The following TTBK1 variants were observed in gnomAD, a reference collection of about 807,000 sequenced individuals.
TTBK1 encodes the protein tau-tubulin kinase 1.
A neutral mutation model predicts 108.5 loss-of-function variants in TTBK1; 34 were observed. The ratio of observed to expected loss-of-function variants is 0.31; its 90% CI spans 0.24 to 0.42. TTBK1 has a LOEUF of 0.42. Among genes scored for constraint, TTBK1 ranks in the 10% least tolerant of loss-of-function variants. The pLI is 1.00. For missense variants in TTBK1, 1,539 were observed against 1,826.0 expected, an observed-to-expected ratio of 0.84 and a Z score of 2.86; for synonymous variants, 809 against 795.1, an observed-to-expected ratio of 1.02 and a Z score of -0.29.
At chr6:43,278,425 A>G (rs1160483711) in intron 13 of TTBK1, among the ~76,000 whole-genome samples, 1 of 152,112 alleles carries the variant, frequency 6.6e-6, no homozygotes, top group Non-Finnish European at 1.5e-5. Flanking sequence ...AACCCTTACC[A>G]TATATGCCTT....
intron 1 of TTBK1, among the ~76,000 whole-genome samples, chr6:43,245,317 G>C (rs990254177): frequency 2.0e-5 from 3 of 151,972 alleles, no homozygotes; most frequent in Non-Finnish European, 4.4e-5. Context: ...CTCCAGGGTC[G>C]TTGTGAGGGC....
chr6:43,271,762 T>TATTC, intron 13 of TTBK1: 1 of 828,340 alleles, frequency 1.2e-6, no homozygotes, highest in Non-Finnish European at 1.3e-6. Context: ...TTTGTAAGTC[T>TATTC]ATTTATTTAT....
At position 43,255,753 on chromosome 6, in the gene TTBK1, A is replaced by G. The variant is rs761098675; in HGVS notation, c.758A>G (p.Glu253Gly). ...KDKEQVGMIK[E>G]KYEHRMLLKH... ...CAGGAACAGGTAGGGATGATCAAGG[A>G]GAAGTATGAGCACCGGATGCTGCTG... Residue 253 changes from glutamate to glycine, a missense_variant, in exon 9 of 15, where the codon GAG becomes GGG. By Grantham distance (98) the Glu-to-Gly change is moderately conservative. This residue lies in a region of TTBK1 where 155 missense variants were observed against 348.5 expected (regional missense o/e 0.44). Coordinates refer to ENST00000259750, the MANE Select transcript of TTBK1 (RefSeq NM_032538.3). 3.7e-6 allele frequency: 6 copies of G among 1,614,132 alleles called. No individual in the cohort carries two copies. The East Asian group carries it at 1.3e-4, about 36-fold the overall frequency.
rs757606010 is a variant in TTBK1, at chr6:43,259,591, G to GC, written c.1316dup (p.Asp440ArgfsTer19). The GC allele has an allele frequency of 9.9e-6, 16 of 1,610,714 alleles. No homozygotes were observed. The highest frequency in any genetic ancestry group is 8.5e-7 in the Non-Finnish European group (1 of 1,178,662). On this transcript the variant is annotated frameshift_variant, in exon 12 of 15. Coordinates refer to ENST00000259750, the MANE Select transcript of TTBK1 (RefSeq NM_032538.3). LOFTEE classifies it high-confidence loss of function. This position sits in a 1 kb window ranked among gnomAD's most constrained non-coding sequence, Gnocchi z 6.7. ...GGGGGTCCCCAGCTCCCCAGTGCGT[G>GC]CCCCCCCAGACTCCCCCACAACCCC... is the stretch of plus-strand genomic sequence containing the variant.
chr6:43,249,118 C>G (rs1777172919), intron 2 of TTBK1, among the ~76,000 whole-genome samples: 1 of 151,950 alleles, frequency 6.6e-6, no homozygotes, highest in Non-Finnish European at 1.5e-5. Flanking sequence ...AGAATCAGCC[C>G]ATCCAAGAAT....
rs1407918283 is a variant in TTBK1 at position 43,282,848 on chromosome 6, A to G, written c.2108A>G (p.Asn703Ser). The change falls in exon 14 of 15, where the codon AAC becomes AGC. Residue 703 changes from asparagine to serine, a missense_variant. Physicochemically the swap from Asn to Ser is conservative, Grantham distance 46. Around this residue, in one of 5 missense-constraint regions of TTBK1, gnomAD observed 1,055 missense variants for 1,086.5 expected, o/e 0.97. Transcript: ENST00000259750. The surrounding 1 kb of genome is among the most constrained non-coding windows in gnomAD (Gnocchi z 5.4). ...SDYRERARLLNRVRRVGFSHM... is the reference protein window; with the variant it reads ...SDYRERARLLSRVRRVGFSHM... ...TACCGAGAACGGGCGCGGTTGCTCA[A>G]CAGGGTCCGGAGGGTGGGCTTCTCG... is the stretch of plus-strand genomic sequence containing the variant. 1 of 1,613,956 alleles carries G rather than the reference A, an allele frequency of 6.2e-7. No homozygotes were observed. Among genetic ancestry groups the G allele is most frequent in the South Asian group, 1.1e-5 (1 of 91,046 alleles).
chr6:43,282,948 G>C lies in TTBK1; in HGVS notation c.2208G>C (p.Glu736Asp), dbSNP rs768706762. 9.9e-6 allele frequency: 16 copies of C among 1,608,432 alleles called. No homozygotes were observed. Among genetic ancestry groups the C allele is most frequent in the East Asian group, 2.2e-5 (1 of 44,766 alleles). Residue 736 changes from glutamate to aspartate, a missense_variant, in exon 14 of 15, where the codon GAG becomes GAC. Around this residue, in one of 5 missense-constraint regions of TTBK1, gnomAD observed 1,055 missense variants for 1,086.5 expected, o/e 0.97. Transcript: ENST00000259750. The surrounding 1 kb of genome is among the most constrained non-coding windows in gnomAD (Gnocchi z 5.4). ...AGGCTAATGGGAAGGAGGAAGAGGA[G>C]GAGGAGGAGGAAGATGAGGAAGAGG... ...QPQANGKEEE[E>D]EEEEDEEEEE...
At chr6:43,271,995 G>A (rs1777847538) in intron 13 of TTBK1, 3 of 985,242 alleles carry the variant, frequency 3.0e-6, no homozygotes, top group Non-Finnish European at 3.6e-6. Flanking sequence ...GGTCAAGGTG[G>A]ACCCTTTGAG....
chr6:43,262,753 G>T, intron 12 of TTBK1, 36 bp from the exon 13 acceptor site: 1 of 1,494,122 alleles, frequency 6.7e-7, no homozygotes. Flanking sequence ...GTCCAGTGGG[G>T]CCAGGTATTG....
chr6:43,282,978 A>G lies in TTBK1; in HGVS notation c.2238A>G (p.Glu746=). The change falls in exon 14 of 15, where the codon GAA becomes GAG. Residue 746 remains glutamate (E), a synonymous_variant. Coordinates refer to ENST00000259750, the MANE Select transcript of TTBK1 (RefSeq NM_032538.3). This position sits in a 1 kb window ranked among gnomAD's most constrained non-coding sequence, Gnocchi z 5.4. ...AGGAGGAAGATGAGGAAGAGGAAGA[A>G]GAGGATGAGGAAGAAGAAGAGGAGG... ...EEEEEDEEEE[E]EDEEEEEEEE... The G allele has an allele frequency of 6.2e-7, 1 of 1,600,786 alleles. No individual in the cohort carries two copies. Among genetic ancestry groups the G allele is most frequent in the Non-Finnish European group, 8.5e-7 (1 of 1,173,298 alleles).
intron 13 of TTBK1, among the ~76,000 whole-genome samples, chr6:43,266,195 A>C (rs1777673029): frequency 6.6e-6 from 1 of 152,234 alleles, no homozygotes. Flanking sequence ...CGTTTGTGTC[A>C]GCGGAGCTCG....
intron 13 of TTBK1, chr6:43,270,832 A>G (rs2651186): frequency 0.37 from 366,751 of 985,248 alleles, 74,250 homozygotes; most frequent in African/African-American, 0.78. Context: ...GTGAGAAACC[A>G]TGTGCTTGTC....
chr6:43,259,717 GGCC>G lies in TTBK1; in HGVS notation c.1424+12_1424+14del. ...GCTACCTGAGAGGAGGTGGGTCTGG[GGCC>G]AGGGGCATGGTTGGGGCCCAAGGCC... On this transcript the variant is annotated intron_variant, in intron 12 of 14. Transcript: ENST00000259750. This position sits in a 1 kb window ranked among gnomAD's most constrained non-coding sequence, Gnocchi z 6.7. 3.2e-6 allele frequency: 5 copies of G among 1,563,186 alleles called. No homozygotes were observed. The highest frequency in any genetic ancestry group is 4.3e-6 in the Non-Finnish European group (5 of 1,155,918).
chr6:43,271,694 T>C, intron 13 of TTBK1: 1 of 985,378 alleles, frequency 1.0e-6, no homozygotes, highest in Non-Finnish European at 1.2e-6. Flanking sequence ...GTATGGCTCA[T>C]CCACACCATT....
At position 43,282,854 on chromosome 6, in the gene TTBK1, T is replaced by G. The variant is rs1019468279; in HGVS notation, c.2114T>G (p.Val705Gly). The G allele has an allele frequency of 2.5e-6, 4 of 1,612,702 alleles. No homozygotes were observed. Among genetic ancestry groups the G allele is most frequent in the African/African-American group, 2.7e-5 (2 of 74,394 alleles). The change falls in exon 14 of 15, where the codon GTC becomes GGC. Residue 705 changes from valine to glycine, a missense_variant. Val to Gly is a moderately radical substitution (Grantham distance 109). This residue lies in a region of TTBK1 where 1,055 missense variants were observed against 1,086.5 expected (regional missense o/e 0.97). Transcript: ENST00000259750. This position sits in a 1 kb window ranked among gnomAD's most constrained non-coding sequence, Gnocchi z 5.4. ...YRERARLLNR[V>G]RRVGFSHMLL... ...GAACGGGCGCGGTTGCTCAACAGGG[T>G]CCGGAGGGTGGGCTTCTCGCACATG...
At position 43,243,767 on chromosome 6, in the gene TTBK1, G is replaced by C. The variant is rs1222657296; in HGVS notation, c.-55+59G>C. 1 of 151,820 alleles carries C rather than the reference G, an allele frequency of 6.6e-6. No homozygotes were observed. Among genetic ancestry groups the C allele is most frequent in the Non-Finnish European group, 1.5e-5 (1 of 67,752 alleles). 9.4% of individuals were successfully genotyped at this position (151,820 alleles called of 1,614,324 possible). A position where few individuals can be genotyped will look rare whatever the true frequency, so the allele number is the denominator to read the frequency against. On this transcript the variant is annotated intron_variant, in intron 1 of 14. Transcript: ENST00000259750. This position sits in a 1 kb window ranked among gnomAD's most constrained non-coding sequence, Gnocchi z 5.5. Reference sequence around the variant, plus strand: ...GGGGGCTCCTTCGTGGGCTCAGGGGGCTCCGCCTGGCTCGCCTCCCAGCGC... The same window carrying C: ...GGGGGCTCCTTCGTGGGCTCAGGGGCCTCCGCCTGGCTCGCCTCCCAGCGC...
chr6:43,279,982 G>A (rs1778110822), intron 13 of TTBK1, among the ~76,000 whole-genome samples: 1 of 152,074 alleles, frequency 6.6e-6, no homozygotes, highest in East Asian at 2.0e-4. Flanking sequence ...TAGCAACCCT[G>A]TTTGAGCCAG....
chr6:43,281,737 G>GA (rs1411747179), intron 13 of TTBK1, among the ~76,000 whole-genome samples: 1 of 152,184 alleles, frequency 6.6e-6, no homozygotes, highest in Non-Finnish European at 1.5e-5. Context: ...CAGCGTGTTC[G>GA]AAAATGCTAG....
rs1777755391 is a variant in TTBK1, at chr6:43,269,073, A to G, written c.1986+5723A>G. Among the ~76,000 whole-genome samples, 1 of 152,200 alleles carries G rather than the reference A, an allele frequency of 6.6e-6. No individual in the cohort carries two copies. The highest frequency in any genetic ancestry group is 2.1e-4 in the South Asian group (1 of 4,828). ...AGGTCACTCAGATTTTAAGTGGTGG[A>G]GTTGGGATTCAAACACGAGTAATTG... On this transcript the variant is annotated intron_variant, in intron 13 of 14. Coordinates refer to ENST00000259750, the MANE Select transcript of TTBK1 (RefSeq NM_032538.3). This position sits in a 1 kb window ranked among gnomAD's most constrained non-coding sequence, Gnocchi z 4.8.
Sources: allele counts gnomAD v4.1 joint callset (sites outside exome capture counted in the v4.1 genomes callset), GRCh38; gene constraint gnomAD v4.1.1; regional missense constraint gnomAD v4.1.1; non-coding constraint Gnocchi (gnomAD v3.1); transcripts MANE v1.5; gene names NCBI Gene and HGNC (gene_info 2026-07-23, HGNC 2026-07-21).